Variants in CRPPA observed in about 807,000 individuals in gnomAD.
CRPPA encodes the protein D-ribitol-5-phosphate cytidylyltransferase.
CRPPA carries 43 observed loss-of-function variants against 52.0 expected under a neutral mutation model. The observed-to-expected ratio is 0.83, with a 90% CI of 0.65 to 1.07. The LOEUF is 1.07. CRPPA is among the 50% of genes least tolerant of loss of function. The pLI, the probability that CRPPA is intolerant of heterozygous loss-of-function variation, is 0.00. For missense variants in CRPPA, 629 were observed against 551.7 expected (o/e 1.14, Z -1.40); for synonymous variants, 250 against 203.5 (o/e 1.23, Z -1.94).
intron 3 of CRPPA, among the ~76,000 whole-genome samples, chr7:16,321,009 T>C (rs1046728647): frequency 6.6e-6 from 1 of 152,152 alleles, no homozygotes; most frequent in Non-Finnish European, 1.5e-5. Context: ...GAGACAATTA[T>C]ATTCACGAGA....
chr7:16,355,448 T>C (rs1376240796), intron 3 of CRPPA, among the ~76,000 whole-genome samples: 4 of 152,208 alleles, frequency 2.6e-5, no homozygotes, highest in Non-Finnish European at 4.4e-5. Flanking sequence ...TCTGTTCTGG[T>C]TGTTCATATC....
At chr7:16,218,203 T>C (rs1231324585) in intron 8 of CRPPA, among the ~76,000 whole-genome samples, 6 of 145,410 alleles carry the variant, frequency 4.1e-5, no homozygotes, top group East Asian at 2.1e-4. Flanking sequence ...GCTTCATAAG[T>C]GAAGGAGAAA....
At chr7:16,215,537 C>T (rs56161298) in intron 9 of CRPPA, among the ~76,000 whole-genome samples, 45,697 of 152,088 alleles carry the variant, frequency 0.3, 8,810 homozygotes, top group Admixed American at 0.41. Context: ...ACCATGCCCT[C>T]TTATAATCTG....
At chr7:16,224,163 G>T (rs1297816648) in intron 8 of CRPPA, among the ~76,000 whole-genome samples, 1 of 151,928 alleles carries the variant, frequency 6.6e-6, no homozygotes, top group African/African-American at 2.4e-5. Flanking sequence ...GTTTGGAAAA[G>T]GCTCCTCTGT....
chr7:16,099,043 T>C (rs1294471598), intron 9 of CRPPA, among the ~76,000 whole-genome samples: 1 of 152,126 alleles, frequency 6.6e-6, no homozygotes, highest in Non-Finnish European at 1.5e-5. Context: ...AACAGGGCCT[T>C]ACAATACAGT....
At chr7:16,358,645 T>C (rs1307424832) in intron 3 of CRPPA, among the ~76,000 whole-genome samples, 3 of 152,192 alleles carry the variant, frequency 2.0e-5, no homozygotes, top group Non-Finnish European at 4.4e-5. Context: ...AAGAATACTA[T>C]AAGCAGAAAA....
chr7:16,407,044 C>T (rs940098751), intron 1 of CRPPA, among the ~76,000 whole-genome samples: 15 of 152,176 alleles, frequency 9.9e-5, no homozygotes, highest in Non-Finnish European at 1.8e-4. Flanking sequence ...GGCACCATCT[C>T]AGTTCACTGC....
At chr7:16,186,678 C>T (rs765498073) in intron 9 of CRPPA, among the ~76,000 whole-genome samples, 2 of 152,126 alleles carry the variant, frequency 1.3e-5, no homozygotes, top group Non-Finnish European at 2.9e-5. Context: ...AAAAAGAAGT[C>T]TTAGCCTCAG....
At chr7:16,219,234 T>C (rs1039935730) in intron 8 of CRPPA, among the ~76,000 whole-genome samples, 1 of 151,264 alleles carries the variant, frequency 6.6e-6, no homozygotes, top group Non-Finnish European at 1.5e-5. Context: ...AAGATGTTCT[T>C]TGAAATCAAT....
intron 3 of CRPPA, among the ~76,000 whole-genome samples, chr7:16,370,238 C>T (rs918553032): frequency 1.3e-5 from 2 of 152,180 alleles, no homozygotes; most frequent in Non-Finnish European, 2.9e-5. Context: ...CAAGGGTAAG[C>T]TGGAAGTGTG....
rs1384493933 is a variant in CRPPA, at chr7:16,135,414, TTTC to T, written c.1252-43618_1252-43616del. 5.9e-5 allele frequency among the ~76,000 whole-genome samples: 9 copies of T among 152,234 alleles called. No homozygotes were observed. In the East Asian group the frequency reaches 1.7e-3, roughly 29 times the overall value. Reference sequence around the variant, plus strand: ...TATGTTAAGTGTTTTTTTGTGAAAGTTTCTTCAACTTATTTGGAATTTTGCTTC... The same window carrying T: ...TATGTTAAGTGTTTTTTTGTGAAAGTTTCAACTTATTTGGAATTTTGCTTC... On this transcript the variant is annotated intron_variant, in intron 9 of 9. Coordinates refer to ENST00000407010, the MANE Select transcript of CRPPA (RefSeq NM_001101426.4).
At chr7:16,162,756 T>A (rs1780933760) in intron 9 of CRPPA, among the ~76,000 whole-genome samples, 1 of 152,144 alleles carries the variant, frequency 6.6e-6, no homozygotes, top group African/African-American at 2.4e-5. Flanking sequence ...CTCATTGATC[T>A]GTCTAATATT....
intron 5 of CRPPA, among the ~76,000 whole-genome samples, chr7:16,286,059 ATATATATATATATAT>A (rs1784431927): frequency 2.6e-5 from 1 of 38,896 alleles, no homozygotes; most frequent in Non-Finnish European, 4.5e-5. Flanking sequence ...ATATATATAT[ATATATATATATATAT>A]ATATATAATA....
At chr7:16,275,312 C>T (rs573027647) in intron 6 of CRPPA, among the ~76,000 whole-genome samples, 2 of 152,072 alleles carry the variant, frequency 1.3e-5, no homozygotes, top group African/African-American at 2.4e-5. Context: ...GCCACATGAA[C>T]GTTCTCTGCT....
chr7:16,210,466 T>C (rs1348279344), intron 9 of CRPPA: 2 of 152,174 alleles, frequency 1.3e-5, no homozygotes, highest in African/African-American at 4.8e-5. Context: ...CATCTTCTGG[T>C]TCTCTCTTGC....
At chr7:16,184,133 G>T (rs1781462123) in intron 9 of CRPPA, among the ~76,000 whole-genome samples, 1 of 151,862 alleles carries the variant, frequency 6.6e-6, no homozygotes, top group Non-Finnish European at 1.5e-5. Flanking sequence ...AGTAGAGATG[G>T]AGTTTCACCA....
intron 9 of CRPPA, among the ~76,000 whole-genome samples, chr7:16,143,726 T>TA (rs970822719): frequency 6.6e-6 from 1 of 152,156 alleles, no homozygotes; most frequent in African/African-American, 2.4e-5. Context: ...AATAAGAAGA[T>TA]ACGGTTAGAT....
intron 9 of CRPPA, among the ~76,000 whole-genome samples, chr7:16,108,859 A>G (rs1782205220): frequency 1.3e-5 from 2 of 151,974 alleles, no homozygotes; most frequent in African/African-American, 2.4e-5. Context: ...CTACTGAAAG[A>G]CCAATGAATC....
rs1562497268 is a variant in CRPPA, at chr7:16,089,559, GTATA to G, written c.*2132_*2135del. On this transcript the variant is annotated 3_prime_UTR_variant, in exon 10 of 10. Coordinates refer to ENST00000407010, the MANE Select transcript of CRPPA (RefSeq NM_001101426.4). ...TACATATATATGTATATACATGTAA[GTATA>G]TACATATATATGGGTATACATGCAT... 8.7e-6 allele frequency: 2 copies of G among 229,972 alleles called. No homozygotes were observed. Among genetic ancestry groups the G allele is most frequent in the Non-Finnish European group, 1.9e-5 (2 of 106,806 alleles). The allele number at this position is 229,972 out of a possible 1,614,324, so 14.2% of individuals were successfully genotyped here. A position where few individuals can be genotyped will look rare whatever the true frequency, so the allele number is the denominator to read the frequency against.
Sources: gnomAD v4.1 joint callset for allele counts (sites outside exome capture counted in the v4.1 genomes callset) on GRCh38, gnomAD v4.1.1 for gene constraint, MANE v1.5 for transcripts, NCBI Gene and HGNC (gene_info 2026-07-23, HGNC 2026-07-21) for gene names.